NTM: variants seen among roughly 807,000 people sequenced by gnomAD.
NTM encodes IgLON family member 2.
NTM carries 13 observed loss-of-function variants against 42.1 expected under a neutral mutation model. The ratio of observed to expected loss-of-function variants is 0.31; its 90% CI spans 0.20 to 0.49. The LOEUF is 0.49. Ranked by LOEUF, NTM falls within the 20% of genes least tolerant of loss-of-function variation. The probability of loss-of-function intolerance (pLI) is 0.99; values close to 1 mark genes in which losing one functional copy is unlikely to be tolerated. For missense variants in NTM, 373 were observed against 452.8 expected (o/e 0.82, Z 1.60); for synonymous variants, 187 against 179.2 (o/e 1.04, Z -0.35).
intron 1 of NTM, among the ~76,000 whole-genome samples, chr11:131,494,083 C>T (rs948828285): frequency 2.6e-5 from 4 of 152,152 alleles, no homozygotes; most frequent in Admixed American, 6.5e-5. Flanking sequence ...ATGCACTTTC[C>T]CCTGTCTCTA....
chr11:131,422,909 T>C (rs1171976693), intron 1 of NTM, among the ~76,000 whole-genome samples: 2 of 152,340 alleles, frequency 1.3e-5, no homozygotes, highest in African/African-American at 4.8e-5. Flanking sequence ...CTCTTGTTTC[T>C]ACTTTATAAC....
rs527788930 is a variant in NTM, at chr11:131,621,636, CAAAAAAAAAAAAA to C, written c.82+250761_82+250773del. On this transcript the variant is annotated intron_variant, in intron 1 of 8. Coordinates refer to ENST00000683400, the MANE Select transcript of NTM (RefSeq NM_001352005.2). Reference sequence around the variant, plus strand: ...GCAACATAGTAACACCCTATCTTTACAAAAAAAAAAAAAAAAAAAAAAAAAGTTTTCTTTAATT... The same window carrying C: ...GCAACATAGTAACACCCTATCTTTACAAAAAAAAAAAAGTTTTCTTTAATT... Among the ~76,000 whole-genome samples, 348 of 99,008 alleles carry C rather than the reference CAAAAAAAAAAAAA, an allele frequency of 3.5e-3. 5 individuals carry two copies. Among genetic ancestry groups the C allele is most frequent in the African/African-American group, 0.012 (335 of 28,462 alleles). The allele number at this position is 99,008 out of a possible 152,430, so 65.0% of individuals were successfully genotyped here.
chr11:131,427,706 C>A (rs746397322), intron 1 of NTM, among the ~76,000 whole-genome samples: 2 of 152,218 alleles, frequency 1.3e-5, no homozygotes, highest in Non-Finnish European at 2.9e-5. Flanking sequence ...TGCAAATCAA[C>A]TTCCATCAGG....
intron 2 of NTM, among the ~76,000 whole-genome samples, chr11:132,134,410 C>T (rs1376720544): frequency 6.6e-6 from 1 of 151,820 alleles, no homozygotes; most frequent in Non-Finnish European, 1.5e-5. Context: ...AATTTCTGAG[C>T]TTTTGGTGCA....
chr11:132,039,351 C>T (rs1398980961), intron 2 of NTM, among the ~76,000 whole-genome samples: 1 of 151,876 alleles, frequency 6.6e-6, no homozygotes, highest in Non-Finnish European at 1.5e-5. Flanking sequence ...GAAAGCAGGG[C>T]CTTTTGTTCA....
intron 4 of NTM, among the ~76,000 whole-genome samples, chr11:132,250,087 G>C (rs1293291599): frequency 6.6e-6 from 1 of 152,098 alleles, no homozygotes; most frequent in East Asian, 1.9e-4. Flanking sequence ...TATTTTCTCA[G>C]TTTTTGTTTA....
At chr11:132,266,143 G>A (rs1207998116) in intron 4 of NTM, among the ~76,000 whole-genome samples, 2 of 152,182 alleles carry the variant, frequency 1.3e-5, no homozygotes, top group African/African-American at 4.8e-5. Context: ...GATGGCTCAG[G>A]AGAGTCACAA....
chr11:132,161,399 C>CCT (rs1369624542), intron 3 of NTM, among the ~76,000 whole-genome samples: 1 of 128,264 alleles, frequency 7.8e-6, no homozygotes, highest in Non-Finnish European at 1.6e-5. Flanking sequence ...TTTTTTTCCC[C>CCT]ACAAAATGTT....
chr11:131,455,215 C>T (rs1330626145), intron 1 of NTM, among the ~76,000 whole-genome samples: 1 of 152,208 alleles, frequency 6.6e-6, no homozygotes, highest in Non-Finnish European at 1.5e-5. Flanking sequence ...TGTAATGCAA[C>T]AGCTGCAGCC....
intron 1 of NTM, among the ~76,000 whole-genome samples, chr11:131,673,254 C>T (rs2134673861): frequency 6.6e-6 from 1 of 152,230 alleles, no homozygotes; most frequent in South Asian, 2.1e-4. Context: ...CAGGAGGATG[C>T]TCAGGGCTGC....
At chr11:132,125,333 G>A (rs894293346) in intron 2 of NTM, among the ~76,000 whole-genome samples, 7 of 143,514 alleles carry the variant, frequency 4.9e-5, no homozygotes, top group Non-Finnish European at 9.0e-5. Context: ...TGTGGTGTGT[G>A]GTGTGGTATG....
intron 1 of NTM, among the ~76,000 whole-genome samples, chr11:131,504,536 T>C (rs927907119): frequency 6.6e-6 from 1 of 152,094 alleles, no homozygotes. Context: ...CAGCTCCAAA[T>C]AGAATTTGGA....
chr11:131,755,089 T>C (rs1289362861), intron 1 of NTM, among the ~76,000 whole-genome samples: 1 of 152,164 alleles, frequency 6.6e-6, no homozygotes, highest in East Asian at 1.9e-4. Context: ...TCTGGGACAG[T>C]GAGAGTGTCA....
chr11:132,023,388 T>G lies in NTM; in HGVS notation c.167+111740T>G, dbSNP rs140593366. On this transcript the variant is annotated intron_variant, in intron 2 of 8. Coordinates refer to ENST00000683400, the MANE Select transcript of NTM (RefSeq NM_001352005.2). Reference sequence around the variant, plus strand: ...ATGCACTACAGCTGGGAAGCACAAGTTCAATATGAAGCTGAACAGCTGTGA... The same window carrying G: ...ATGCACTACAGCTGGGAAGCACAAGGTCAATATGAAGCTGAACAGCTGTGA... Among the ~76,000 whole-genome samples, 407 of 152,258 alleles carry G rather than the reference T, an allele frequency of 2.7e-3. 2 individuals carry two copies. Among genetic ancestry groups the G allele is most frequent in the African/African-American group, 9.2e-3 (382 of 41,546 alleles).
intron 2 of NTM, among the ~76,000 whole-genome samples, chr11:131,952,613 C>T (rs1026802599): frequency 9.9e-5 from 15 of 152,120 alleles, no homozygotes; most frequent in Admixed American, 1.3e-4. Context: ...ACTGTGGATA[C>T]GCATAACCTG....
intron 1 of NTM, among the ~76,000 whole-genome samples, chr11:131,588,125 C>G (rs963703472): frequency 1.3e-5 from 2 of 152,216 alleles, no homozygotes; most frequent in Non-Finnish European, 2.9e-5. Flanking sequence ...AACCGAGGCA[C>G]AGATTATTGT....
intron 1 of NTM, among the ~76,000 whole-genome samples, chr11:131,605,309 G>A (rs954863936): frequency 1.3e-5 from 2 of 152,144 alleles, no homozygotes; most frequent in Admixed American, 1.3e-4. Context: ...TACTCTTTTT[G>A]ATGTTGTTGT....
chr11:131,979,549 C>T (rs2064929705), intron 2 of NTM, among the ~76,000 whole-genome samples: 1 of 152,196 alleles, frequency 6.6e-6, no homozygotes, highest in African/African-American at 2.4e-5. Context: ...GTCACAGAGC[C>T]TTCTCAACTG....
chr11:131,540,656 T>TTGGA, intron 1 of NTM: 1 of 152,328 alleles, frequency 6.6e-6, no homozygotes, highest in South Asian at 2.1e-4. Context: ...GCAGCATAGT[T>TTGGA]TGGAATATTT....
Sources: allele counts gnomAD v4.1 joint callset (sites outside exome capture counted in the v4.1 genomes callset), GRCh38; gene constraint gnomAD v4.1.1; transcripts MANE v1.5; gene names NCBI Gene and HGNC (gene_info 2026-07-23, HGNC 2026-07-21).